TRPS1: variants seen among roughly 807,000 people sequenced by gnomAD.
TRPS1 encodes transcriptional repressor GATA binding 1, also known as zinc finger transcription factor Trps1.
A neutral mutation model predicts 101.2 loss-of-function variants in TRPS1; 6 were observed. That is an observed-to-expected ratio of 0.06 (90% CI 0.03 to 0.12). TRPS1 has a LOEUF of 0.12. Ranked by LOEUF, TRPS1 falls within the 10% of genes least tolerant of loss-of-function variation. The pLI is 1.00. For synonymous variants in TRPS1, 578 were observed against 589.8 expected (o/e 0.98, Z 0.29); for missense variants, 1,363 against 1,567.0 (o/e 0.87, Z 2.20).
intron 3 of TRPS1, among the ~76,000 whole-genome samples, chr8:115,617,936 A>G (rs114887007): frequency 0.014 from 2,110 of 152,304 alleles, 53 homozygotes; most frequent in African/African-American, 0.047. Flanking sequence ...CCTTAAAGTG[A>G]TAAGATTGCC....
chr8:115,625,700 C>G (rs1022149647), intron 1 of TRPS1, among the ~76,000 whole-genome samples: 2 of 151,856 alleles, frequency 1.3e-5, no homozygotes, highest in African/African-American at 4.8e-5. Context: ...ACTGACACTT[C>G]TGAGTATCTT....
chr8:115,503,311 G>A (rs1238464321), intron 5 of TRPS1, among the ~76,000 whole-genome samples: 6 of 150,088 alleles, frequency 4.0e-5, no homozygotes, highest in Admixed American at 2.7e-4. Flanking sequence ...CAATGTACGC[G>A]AATTACCATA....
intron 5 of TRPS1, among the ~76,000 whole-genome samples, chr8:115,424,096 T>C (rs1284747214): frequency 6.6e-6 from 1 of 152,198 alleles, no homozygotes; most frequent in East Asian, 1.9e-4. Flanking sequence ...TTTCTATGAA[T>C]AAGAACCATA....
intron 5 of TRPS1, among the ~76,000 whole-genome samples, chr8:115,490,017 A>C (rs1814981996): frequency 6.6e-6 from 1 of 152,140 alleles, no homozygotes; most frequent in African/African-American, 2.4e-5. Context: ...AAGAAAACAC[A>C]AATGAAATAA....
chr8:115,415,826 A>C (rs1467159831), intron 6 of TRPS1, among the ~76,000 whole-genome samples: 2 of 152,178 alleles, frequency 1.3e-5, no homozygotes, highest in African/African-American at 4.8e-5. Context: ...AAAGCTGCTC[A>C]GTTTATGGTA....
intron 5 of TRPS1, among the ~76,000 whole-genome samples, chr8:115,500,871 C>A (rs1428031747): frequency 6.6e-6 from 1 of 152,178 alleles, no homozygotes. Flanking sequence ...CCGCGCCCGA[C>A]CTGAACTTGG....
At chr8:115,548,377 G>A (rs765216658) in intron 5 of TRPS1, among the ~76,000 whole-genome samples, 5 of 151,820 alleles carry the variant, frequency 3.3e-5, no homozygotes, top group Admixed American at 6.6e-5. Context: ...TCACTCTGTC[G>A]CCCAGGCTGG....
chr8:115,576,284 T>TAG (rs1817315961), intron 5 of TRPS1, among the ~76,000 whole-genome samples: 21 of 144,620 alleles, frequency 1.5e-4, no homozygotes, highest in Non-Finnish European at 2.4e-4. Context: ...AGTTCATATA[T>TAG]ATATATAGAT....
Position 115,475,825 on chromosome 8 carries a change from TC to T in TRPS1, c.2701-57374del, listed in dbSNP as rs549641610. On this transcript the variant is annotated intron_variant, in intron 5 of 6. Transcript: ENST00000395715. ...ACTCCTATGTGGGAGGAGTTCTACA[TC>T]CATCACATTTTCCACATTTACCATC... Among the ~76,000 whole-genome samples, 380 of 152,266 alleles carry T rather than the reference TC, an allele frequency of 2.5e-3. 1 individual carries two copies. Among genetic ancestry groups the T allele is most frequent in the Non-Finnish European group, 1.7e-3 (119 of 68,024 alleles).
At chr8:115,517,441 T>C (rs1040298510) in intron 5 of TRPS1, among the ~76,000 whole-genome samples, 3 of 151,432 alleles carry the variant, frequency 2.0e-5, no homozygotes, top group African/African-American at 7.3e-5. Flanking sequence ...ACAGTTATTA[T>C]TAAAATGAGA....
intron 5 of TRPS1, among the ~76,000 whole-genome samples, chr8:115,582,640 C>A (rs1163721437): frequency 6.6e-6 from 1 of 152,130 alleles, no homozygotes; most frequent in African/African-American, 2.4e-5. Flanking sequence ...GAACGGAGAT[C>A]CTGGGAGGCC....
intron 5 of TRPS1, among the ~76,000 whole-genome samples, chr8:115,431,772 T>A (rs1218431348): frequency 1.3e-5 from 2 of 151,932 alleles, no homozygotes; most frequent in Non-Finnish European, 2.9e-5. Context: ...GATATTTGAT[T>A]CCTAGATTAT....
At chr8:115,551,652 A>C (rs1351744) in intron 5 of TRPS1, among the ~76,000 whole-genome samples, 105,407 of 152,018 alleles carry the variant, frequency 0.69, 38,027 homozygotes, top group African/African-American at 0.89. Context: ...GAAATGATTC[A>C]TAGTATAAAG....
At chr8:115,496,994 T>G (rs1318417518) in intron 5 of TRPS1, among the ~76,000 whole-genome samples, 2 of 152,196 alleles carry the variant, frequency 1.3e-5, no homozygotes, top group African/African-American at 4.8e-5. Flanking sequence ...TCAAGTAATG[T>G]TTTCATATGT....
At chr8:115,422,655 C>T (rs930912237) in intron 5 of TRPS1, among the ~76,000 whole-genome samples, 9 of 152,282 alleles carry the variant, frequency 5.9e-5, no homozygotes, top group East Asian at 1.9e-4. Context: ...TGTGAGCCAC[C>T]GCACCCAGCC....
intron 5 of TRPS1, among the ~76,000 whole-genome samples, chr8:115,486,635 C>T (rs1168589493): frequency 2.0e-5 from 3 of 152,178 alleles, no homozygotes; most frequent in Admixed American, 2.0e-4. Flanking sequence ...TACCTCATTG[C>T]TAATATGAAG....
chr8:115,506,172 T>C (rs3808424), intron 5 of TRPS1, among the ~76,000 whole-genome samples: 39,488 of 151,458 alleles, frequency 0.26, 5,563 homozygotes, highest in East Asian at 0.44. Flanking sequence ...TTAAAAGAAA[T>C]ATAAAGGAAA....
intron 5 of TRPS1, among the ~76,000 whole-genome samples, chr8:115,569,939 AT>A (rs1430273199): frequency 6.6e-6 from 1 of 152,086 alleles, no homozygotes; most frequent in African/African-American, 2.4e-5. Flanking sequence ...TAAAAAATAA[AT>A]TTTGGAGTCA....
chr8:115,587,316 G>A lies in TRPS1; in HGVS notation c.2385C>T (p.Thr795=). ...TGCGAAGGTCATCACTGGAACTCTC[G>A]GTCCAAACTTTCTCTTTGAGCCCGT... is the stretch of plus-strand genomic sequence containing the variant. ...EKDGLKEKVW[T]ESSSDDLRNV... Residue 795 remains threonine (T), a synonymous_variant, in exon 5 of 7, where the codon ACC becomes ACT. Transcript: ENST00000395715. The A allele has an allele frequency of 2.5e-6, 4 of 1,614,146 alleles. No individual in the cohort carries two copies. The highest frequency in any genetic ancestry group is 2.2e-5 in the East Asian group (1 of 44,878).
Sources: allele counts gnomAD v4.1 joint callset (sites outside exome capture counted in the v4.1 genomes callset), GRCh38; gene constraint gnomAD v4.1.1; transcripts MANE v1.5; gene names NCBI Gene and HGNC (gene_info 2026-07-23, HGNC 2026-07-21).